The following SLC1A1 variants were observed in gnomAD, a reference collection of about 807,000 sequenced individuals.
SLC1A1 encodes solute carrier family 1 member 1, also known as excitatory amino acid transporter 3.
A neutral mutation model predicts 53.3 loss-of-function variants in SLC1A1; 43 were observed. The observed-to-expected ratio is 0.81, with a 90% CI of 0.63 to 1.04. The LOEUF is 1.04. Among genes scored for constraint, SLC1A1 ranks in the 50% least tolerant of loss-of-function variants. SLC1A1 has a pLI of 0.00. For missense variants in SLC1A1, 748 were observed against 664.9 expected, an observed-to-expected ratio of 1.12 and a Z score of -1.37; for synonymous variants, 307 against 243.2, an observed-to-expected ratio of 1.26 and a Z score of -2.44.
At chr9:4,575,615 T>G (rs1005961570) in intron 8 of SLC1A1, among the ~76,000 whole-genome samples, 2 of 152,118 alleles carry the variant, frequency 1.3e-5, no homozygotes, top group Non-Finnish European at 2.9e-5. Context: ...AGGGAAGGCT[T>G]CCTGGAGGAA....
Position 4,564,390 on chromosome 9 carries a change from G to C in SLC1A1, c.372G>C (p.Val124=), listed in dbSNP as rs1209590693. 1 of 1,613,868 alleles carries C rather than the reference G, an allele frequency of 6.2e-7. No homozygotes were observed. The change falls in exon 4 of 12, where the codon GTG becomes GTC. Residue 124 remains valine, a synonymous_variant. Transcript: ENST00000262352. ...VSIKPGVTQK[V]GEIARTGSTP... is the part of the protein sequence containing the mutation. Reference sequence around the variant, plus strand: ...TCAAGCCTGGTGTCACCCAGAAAGTGGGTGAAATTGCGAGGACAGGCAGCA... The same window carrying C: ...TCAAGCCTGGTGTCACCCAGAAAGTCGGTGAAATTGCGAGGACAGGCAGCA...
intron 1 of SLC1A1, among the ~76,000 whole-genome samples, chr9:4,502,646 C>T (rs1820676234): frequency 6.6e-6 from 1 of 151,632 alleles, no homozygotes; most frequent in Non-Finnish European, 1.5e-5. Flanking sequence ...GCTGAGCACA[C>T]AGAGCTAGGA....
chr9:4,536,249 G>C (rs967047903), intron 1 of SLC1A1, among the ~76,000 whole-genome samples: 4 of 152,112 alleles, frequency 2.6e-5, no homozygotes, highest in South Asian at 2.1e-4. Context: ...CCATCAGAGT[G>C]AATAGGCAAC....
At chr9:4,570,526 A>G (rs1213160878) in intron 6 of SLC1A1, among the ~76,000 whole-genome samples, 1 of 151,728 alleles carries the variant, frequency 6.6e-6, no homozygotes, top group Non-Finnish European at 1.5e-5. Context: ...ACGTGCCACA[A>G]TGCCTGGCTA....
intron 1 of SLC1A1, among the ~76,000 whole-genome samples, chr9:4,497,135 A>T (rs71490234): frequency 1.3e-5 from 2 of 151,574 alleles, no homozygotes; most frequent in Non-Finnish European, 2.9e-5. Context: ...AAAAACAGAA[A>T]TTTTTTTTTG....
chr9:4,498,512 C>T (rs72687842), intron 1 of SLC1A1, among the ~76,000 whole-genome samples: 1 of 149,432 alleles, frequency 6.7e-6, no homozygotes, highest in Non-Finnish European at 1.5e-5. Context: ...GTGATTTCCA[C>T]AACAATAATC....
At chr9:4,540,365 G>C (rs1297105389) in intron 1 of SLC1A1, among the ~76,000 whole-genome samples, 2 of 152,058 alleles carry the variant, frequency 1.3e-5, no homozygotes, top group East Asian at 1.9e-4. Context: ...CAAGAGCTCG[G>C]GTGCCATGGG....
Position 4,505,602 on chromosome 9 carries a change from T to C in SLC1A1, c.91+14832T>C, listed in dbSNP as rs562677150. Among the ~76,000 whole-genome samples the C allele has an allele frequency of 7.4e-4, 113 of 152,334 alleles. 1 individual carries two copies. The highest frequency in any genetic ancestry group is 8.7e-4 in the Non-Finnish European group (59 of 68,032). ...CTCTACGTGCAAAAGATTAAGTTAG[T>C]TAGAATGAGGAAGACATTTTTAATT... On this transcript the variant is annotated intron_variant, in intron 1 of 11. Coordinates refer to ENST00000262352, the MANE Select transcript of SLC1A1 (RefSeq NM_004170.6).
At chr9:4,575,957 G>C in intron 8 of SLC1A1, 44 bp from the exon 9 acceptor site, 2 of 1,607,124 alleles carry the variant, frequency 1.2e-6, no homozygotes, top group Non-Finnish European at 1.7e-6. Context: ...GTGTGGGGAG[G>C]TGGTATTATC....
intron 1 of SLC1A1, among the ~76,000 whole-genome samples, chr9:4,522,531 C>G (rs538090414): frequency 6.6e-6 from 1 of 152,276 alleles, no homozygotes; most frequent in Non-Finnish European, 1.5e-5. Context: ...CTGGTGTACT[C>G]TTGATACCAT....
At chr9:4,564,227 G>A (rs930117848) in intron 3 of SLC1A1, 117 bp from the exon 4 acceptor site, 2 of 749,930 alleles carry the variant, frequency 2.7e-6, no homozygotes, top group East Asian at 2.7e-5. Context: ...TGGACCTCAG[G>A]GTCCTCCCCA....
chr9:4,572,444 A>T, intron 7 of SLC1A1, 56 bp downstream of exon 7: 1 of 1,461,082 alleles, frequency 6.8e-7, no homozygotes, highest in Non-Finnish European at 9.6e-7. Context: ...TGTCTCCTCA[A>T]AATTAGAAAG....
intron 1 of SLC1A1, among the ~76,000 whole-genome samples, chr9:4,495,168 T>C (rs1820371579): frequency 6.6e-6 from 1 of 152,162 alleles, no homozygotes; most frequent in African/African-American, 2.4e-5. Flanking sequence ...CTTTCCCGCT[T>C]TGTCTGTGAA....
chr9:4,518,708 G>C (rs192533927), intron 1 of SLC1A1, among the ~76,000 whole-genome samples: 20 of 152,228 alleles, frequency 1.3e-4, no homozygotes, highest in Admixed American at 1.3e-3. Flanking sequence ...CATCAAGGTA[G>C]AGTGAAAAAT....
chr9:4,507,450 T>C (rs567367364), intron 1 of SLC1A1, among the ~76,000 whole-genome samples: 1 of 151,884 alleles, frequency 6.6e-6, no homozygotes, highest in East Asian at 1.9e-4. Context: ...TCCTTATGAA[T>C]GTTTGTTATT....
chr9:4,523,009 T>C (rs1816136373), intron 1 of SLC1A1, among the ~76,000 whole-genome samples: 1 of 152,208 alleles, frequency 6.6e-6, no homozygotes. Flanking sequence ...CTGAAGCACT[T>C]GTAAACAATT....
At chr9:4,527,304 G>T (rs72687883) in intron 1 of SLC1A1, among the ~76,000 whole-genome samples, 5,390 of 152,222 alleles carry the variant, frequency 0.035, 148 homozygotes, top group South Asian at 0.055. Context: ...CAGTGTAGCT[G>T]TGCTCAGACT....
intron 1 of SLC1A1, among the ~76,000 whole-genome samples, chr9:4,505,643 G>A (rs933837227): frequency 6.6e-6 from 1 of 151,870 alleles, no homozygotes; most frequent in African/African-American, 2.4e-5. Context: ...GAAATTCTTT[G>A]TTGTTGTTGT....
chr9:4,546,555 T>G (rs1180466462), intron 2 of SLC1A1, among the ~76,000 whole-genome samples: 1 of 152,218 alleles, frequency 6.6e-6, no homozygotes, highest in Non-Finnish European at 1.5e-5. Context: ...TAGTCTCCAC[T>G]ACTCCCGATT....
Sources: gnomAD v4.1 joint callset for allele counts (sites outside exome capture counted in the v4.1 genomes callset) on GRCh38, gnomAD v4.1.1 for gene constraint, MANE v1.5 for transcripts, NCBI Gene and HGNC (gene_info 2026-07-23, HGNC 2026-07-21) for gene names.